CTNNA2: variants seen among roughly 807,000 people sequenced by gnomAD.
CTNNA2 encodes the protein catenin alpha 2, also known as catenin alpha-2.
A neutral mutation model predicts 101.0 loss-of-function variants in CTNNA2; 42 were observed. That is an observed-to-expected ratio of 0.42 (90% CI 0.32 to 0.54). CTNNA2 has a LOEUF of 0.54. Ranked by LOEUF, CTNNA2 falls within the 20% of genes least tolerant of loss-of-function variation. CTNNA2 has a pLI of 0.14. For missense variants in CTNNA2, 871 were observed against 1,223.1 expected, an observed-to-expected ratio of 0.71 and a Z score of 4.29; for synonymous variants, 450 against 456.4, an observed-to-expected ratio of 0.99 and a Z score of 0.18.
intron 7 of CTNNA2, among the ~76,000 whole-genome samples, chr2:79,995,504 T>G (rs987694304): frequency 2.6e-5 from 4 of 152,022 alleles, no homozygotes; most frequent in Non-Finnish European, 5.9e-5. Flanking sequence ...TAATCCAAAG[T>G]GAGTCATAAG....
intron 4 of CTNNA2, among the ~76,000 whole-genome samples, chr2:79,379,891 G>A (rs938053351): frequency 6.6e-6 from 1 of 152,168 alleles, no homozygotes; most frequent in Non-Finnish European, 1.5e-5. Flanking sequence ...AGAGGAAGAA[G>A]TAAATATAGA....
At chr2:80,456,483 A>C (rs1683990844) in intron 9 of CTNNA2, among the ~76,000 whole-genome samples, 1 of 152,204 alleles carries the variant, frequency 6.6e-6, no homozygotes, top group Non-Finnish European at 1.5e-5. Context: ...GAGATCCCAG[A>C]GCAAGGCCAC....
intron 7 of CTNNA2, among the ~76,000 whole-genome samples, chr2:79,972,360 A>C (rs1215919866): frequency 6.6e-6 from 1 of 152,200 alleles, no homozygotes; most frequent in African/African-American, 2.4e-5. Context: ...GCCAATCAAA[A>C]TGACAAGCAA....
intron 7 of CTNNA2, among the ~76,000 whole-genome samples, chr2:80,083,936 C>T (rs1000833892): frequency 2.6e-5 from 4 of 152,028 alleles, no homozygotes; most frequent in Admixed American, 6.6e-5. Flanking sequence ...AATGCTAGCT[C>T]GGTGGCTTTC....
chr2:80,211,827 A>G (rs1028052642), intron 7 of CTNNA2, among the ~76,000 whole-genome samples: 3 of 152,154 alleles, frequency 2.0e-5, no homozygotes, highest in African/African-American at 7.2e-5. Context: ...CATTTTCACA[A>G]TATTGATTCT....
chr2:79,378,775 G>C (rs1488221435), intron 4 of CTNNA2, among the ~76,000 whole-genome samples: 1 of 152,054 alleles, frequency 6.6e-6, no homozygotes, highest in Non-Finnish European at 1.5e-5. Flanking sequence ...ATCCTTTTGG[G>C]AGCTCATTCG....
At chr2:79,975,527 C>A (rs1288726910) in intron 7 of CTNNA2, among the ~76,000 whole-genome samples, 6 of 152,098 alleles carry the variant, frequency 3.9e-5, no homozygotes, top group Non-Finnish European at 8.8e-5. Context: ...GGCTCAGTCC[C>A]ATGAGGCTGT....
intron 7 of CTNNA2, among the ~76,000 whole-genome samples, chr2:80,257,231 T>C (rs1229249763): frequency 1.3e-5 from 2 of 151,736 alleles, no homozygotes; most frequent in East Asian, 1.9e-4. Context: ...TTTTAAAATA[T>C]GTAAAATATA....
At chr2:79,881,787 G>T (rs1683452963) in intron 6 of CTNNA2, among the ~76,000 whole-genome samples, 1 of 150,192 alleles carries the variant, frequency 6.7e-6, no homozygotes, top group African/African-American at 2.5e-5. Flanking sequence ...CTTTTAATTG[G>T]GCCATTTAGC....
chr2:79,835,983 T>G (rs1679336652), intron 3 of CTNNA2, among the ~76,000 whole-genome samples: 1 of 152,096 alleles, frequency 6.6e-6, no homozygotes, highest in Non-Finnish European at 1.5e-5. Flanking sequence ...CACCTCAGTT[T>G]TCACTGCTCA....
chr2:79,500,115 C>T (rs771770460), intron 4 of CTNNA2, among the ~76,000 whole-genome samples: 1 of 152,188 alleles, frequency 6.6e-6, no homozygotes, highest in Non-Finnish European at 1.5e-5. Flanking sequence ...CATGTTGACA[C>T]ATAAAATTCA....
At chr2:80,598,405 C>T (rs1198427426) in intron 15 of CTNNA2, among the ~76,000 whole-genome samples, 5 of 151,888 alleles carry the variant, frequency 3.3e-5, no homozygotes, top group African/African-American at 1.2e-4. Context: ...ACTACCATGC[C>T]ACATATAAAG....
At position 80,055,459 on chromosome 2, in the gene CTNNA2, C is replaced by A. The variant is rs190551246; in HGVS notation, c.1056+145662C>A. On this transcript the variant is annotated intron_variant, in intron 7 of 18. Coordinates refer to ENST00000402739, the MANE Select transcript of CTNNA2 (RefSeq NM_001282597.3). ...CATACTAGAAGTTGAGAGTAGCTAGCCAGTGGGCCGAATCTTGACTGAAAC... is the reference window on the plus strand; with the variant it reads ...CATACTAGAAGTTGAGAGTAGCTAGACAGTGGGCCGAATCTTGACTGAAAC... Among the ~76,000 whole-genome samples, 361 of 152,286 alleles carry A rather than the reference C, an allele frequency of 2.4e-3. 2 individuals carry two copies. The highest frequency in any genetic ancestry group is 8.6e-3 in the African/African-American group (356 of 41,560).
intron 2 of CTNNA2, among the ~76,000 whole-genome samples, chr2:79,703,349 A>G (rs949983884): frequency 1.3e-5 from 2 of 152,154 alleles, no homozygotes; most frequent in African/African-American, 4.8e-5. Context: ...ACTTGGAATA[A>G]GGTGATTGTA....
At chr2:80,067,165 A>G (rs181939074) in intron 7 of CTNNA2, among the ~76,000 whole-genome samples, 1 of 133,556 alleles carries the variant, frequency 7.5e-6, no homozygotes, top group African/African-American at 2.5e-5. Context: ...GATCTAGCAT[A>G]CAACATGGTG....
chr2:80,385,552 T>C (rs1676918593), intron 7 of CTNNA2, among the ~76,000 whole-genome samples: 1 of 152,220 alleles, frequency 6.6e-6, no homozygotes, highest in Admixed American at 6.5e-5. Context: ...AAATGAATTA[T>C]TAATAAAAGA....
intron 2 of CTNNA2, among the ~76,000 whole-genome samples, chr2:79,738,512 A>G (rs752124683): frequency 6.6e-6 from 1 of 152,174 alleles, no homozygotes; most frequent in South Asian, 2.1e-4. Context: ...TTCCTGTTGG[A>G]GGAGGGATAG....
intron 7 of CTNNA2, among the ~76,000 whole-genome samples, chr2:80,056,295 A>T (rs974044180): frequency 1.3e-5 from 2 of 152,228 alleles, no homozygotes; most frequent in African/African-American, 4.8e-5. Flanking sequence ...ATTGGCCAGA[A>T]CTTAGTCACA....
intron 18 of CTNNA2, among the ~76,000 whole-genome samples, chr2:80,633,099 G>A (rs1672468195): frequency 1.3e-5 from 2 of 152,108 alleles, no homozygotes; most frequent in African/African-American, 2.4e-5. Context: ...GGAATAGCAT[G>A]TTTCAGATGG....
Sources: gnomAD v4.1 joint callset for allele counts (sites outside exome capture counted in the v4.1 genomes callset) on GRCh38, gnomAD v4.1.1 for gene constraint, MANE v1.5 for transcripts, NCBI Gene and HGNC (gene_info 2026-07-23, HGNC 2026-07-21) for gene names.